Variants in GPC5 observed in about 807,000 individuals in gnomAD.
GPC5 encodes glypican-5.
Under a neutral mutation model 53.9 loss-of-function variants are expected in GPC5, and 47 were observed. The observed-to-expected ratio is 0.87, with a 90% CI of 0.69 to 1.11. GPC5 has a LOEUF of 1.11. Ranked by LOEUF, GPC5 falls within the 50% of genes most tolerant of loss-of-function variation. The pLI, the probability that GPC5 is intolerant of heterozygous loss-of-function variation, is 0.00. For missense variants in GPC5, 748 were observed against 713.1 expected (o/e 1.05, Z -0.56); for synonymous variants, 286 against 263.3 (o/e 1.09, Z -0.84).
intron 7 of GPC5, among the ~76,000 whole-genome samples, chr13:92,611,111 T>C (rs183496297): frequency 1.8e-3 from 281 of 152,230 alleles, no homozygotes; most frequent in Non-Finnish European, 3.3e-3. Flanking sequence ...AAAATAATTT[T>C]ATGACCATAA....
chr13:92,664,515 C>A (rs1886505736), intron 7 of GPC5, among the ~76,000 whole-genome samples: 1 of 152,016 alleles, frequency 6.6e-6, no homozygotes, highest in Admixed American at 6.5e-5. Context: ...AAAATGAAAT[C>A]ATAGCGTATA....
At chr13:92,043,213 G>A (rs2040955293) in intron 6 of GPC5, among the ~76,000 whole-genome samples, 2 of 152,200 alleles carry the variant, frequency 1.3e-5, no homozygotes, top group African/African-American at 4.8e-5. Flanking sequence ...TGAAGAAATA[G>A]TGGTTGAAAA....
In GPC5 at chr13:91,781,899, G is replaced by A. The variant is rs769137262; in HGVS notation, c.1280+25479G>A. On this transcript the variant is annotated intron_variant, in intron 5 of 7. Coordinates refer to ENST00000377067, the MANE Select transcript of GPC5 (RefSeq NM_004466.6). ...GTTCCATCAAAGAAACACCTTGGAA[G>A]CTGAACATTTAAAAATTTATTATAC... Among the ~76,000 whole-genome samples the A allele has an allele frequency of 3.3e-5, 5 of 152,144 alleles. No individual in the cohort carries two copies. The East Asian group carries it at 9.6e-4, about 29-fold the overall frequency.
chr13:92,392,900 CAG>C (rs1275774864), intron 7 of GPC5, among the ~76,000 whole-genome samples: 1 of 152,108 alleles, frequency 6.6e-6, no homozygotes, highest in Non-Finnish European at 1.5e-5. Context: ...CAAAAAATAA[CAG>C]AATATTTTGA....
At chr13:91,773,536 C>A (rs1442770672) in intron 5 of GPC5, among the ~76,000 whole-genome samples, 1 of 152,022 alleles carries the variant, frequency 6.6e-6, no homozygotes, top group East Asian at 1.9e-4. Flanking sequence ...AAATAAATAT[C>A]ATCTCTAATG....
At chr13:91,409,235 C>T (rs538795005) in intron 1 of GPC5, among the ~76,000 whole-genome samples, 215 of 152,014 alleles carry the variant, frequency 1.4e-3, no homozygotes, top group Non-Finnish European at 2.5e-3. Context: ...CCTGTTCTCA[C>T]CAGGCTTGGA....
At position 92,605,576 on chromosome 13, in the gene GPC5, G is replaced by GTTTTTTTTTTTTTTTTTTT. The variant is rs55887927; in HGVS notation, c.1562-260690_1562-260689insTTTTTTTTTTTTTTTTTTT. On this transcript the variant is annotated intron_variant, in intron 7 of 7. Transcript: ENST00000377067. ...AATAAATGAGCAGCCGTATTCACTA[G>GTTTTTTTTTTTTTTTTTTT]TTTTTTTTTTTTTTTTATTTTTTTG... is the stretch of plus-strand genomic sequence containing the variant. Among the ~76,000 whole-genome samples the GTTTTTTTTTTTTTTTTTTT allele has an allele frequency of 1.4e-5, 2 of 139,668 alleles. 1 individual carries two copies. The highest frequency in any genetic ancestry group is 5.6e-5 in the African/African-American group (2 of 35,664). 91.6% of individuals were successfully genotyped at this position (139,668 alleles called of 152,430 possible).
At chr13:92,386,972 C>G (rs1413774341) in intron 7 of GPC5, among the ~76,000 whole-genome samples, 2 of 152,074 alleles carry the variant, frequency 1.3e-5, no homozygotes, top group African/African-American at 4.8e-5. Flanking sequence ...TTACTCACCT[C>G]TGAAGAAGTA....
intron 7 of GPC5, among the ~76,000 whole-genome samples, chr13:92,702,797 C>T (rs905945635): frequency 2.6e-5 from 4 of 152,034 alleles, no homozygotes; most frequent in Non-Finnish European, 4.4e-5. Flanking sequence ...AAAAGCTAAT[C>T]GGTGTCTTGC....
At chr13:92,560,855 A>ATGTGTG (rs1413113972) in intron 7 of GPC5, among the ~76,000 whole-genome samples, 33 of 86,674 alleles carry the variant, frequency 3.8e-4, no homozygotes, top group African/African-American at 8.4e-4. Context: ...ATAGAAAATT[A>ATGTGTG]TATGTGTGTG....
intron 2 of GPC5, among the ~76,000 whole-genome samples, chr13:91,565,157 G>T (rs1246014018): frequency 6.6e-6 from 1 of 151,740 alleles, no homozygotes; most frequent in Non-Finnish European, 1.5e-5. Context: ...GCCTGGCTAA[G>T]TTTTGTATTT....
At chr13:92,278,622 AG>A (rs2042892316) in intron 7 of GPC5, among the ~76,000 whole-genome samples, 1 of 152,002 alleles carries the variant, frequency 6.6e-6, no homozygotes, top group Admixed American at 6.6e-5. Flanking sequence ...CTGATCATGA[AG>A]ATTTACCCTG....
At chr13:91,560,254 G>T (rs1035722828) in intron 2 of GPC5, among the ~76,000 whole-genome samples, 1 of 152,146 alleles carries the variant, frequency 6.6e-6, no homozygotes, top group East Asian at 1.9e-4. Context: ...ACAAGGTTCT[G>T]TGAGATGACC....
At chr13:92,430,368 A>C (rs957241331) in intron 7 of GPC5, among the ~76,000 whole-genome samples, 1 of 152,174 alleles carries the variant, frequency 6.6e-6, no homozygotes, top group African/African-American at 2.4e-5. Flanking sequence ...AAACAAAATA[A>C]TGTATTCCTT....
At chr13:92,042,203 C>T (rs917935522) in intron 6 of GPC5, among the ~76,000 whole-genome samples, 4 of 152,094 alleles carry the variant, frequency 2.6e-5, no homozygotes, top group Non-Finnish European at 2.9e-5. Flanking sequence ...CTTTTGATTC[C>T]CTATCCGTGG....
intron 7 of GPC5, among the ~76,000 whole-genome samples, chr13:92,339,615 C>A (rs1001505491): frequency 6.6e-6 from 1 of 152,070 alleles, no homozygotes; most frequent in African/African-American, 2.4e-5. Flanking sequence ...AATCTTTGAT[C>A]TCCTACACAA....
At chr13:92,295,013 AGAGATGAGGTTT>A (rs2043024922) in intron 7 of GPC5, among the ~76,000 whole-genome samples, 1 of 151,762 alleles carries the variant, frequency 6.6e-6, no homozygotes, top group Non-Finnish European at 1.5e-5. Context: ...TATTTTTAGT[AGAGATGAGGTTT>A]CACCATGTTG....
intron 7 of GPC5, among the ~76,000 whole-genome samples, chr13:92,427,506 C>T (rs1430188259): frequency 6.6e-6 from 1 of 151,600 alleles, no homozygotes; most frequent in African/African-American, 2.4e-5. Context: ...AGATGATTGA[C>T]AGCAGTTTGA....
intron 2 of GPC5, among the ~76,000 whole-genome samples, chr13:91,652,104 C>T (rs1356438489): frequency 1.3e-5 from 2 of 152,166 alleles, no homozygotes; most frequent in Non-Finnish European, 2.9e-5. Context: ...GGTTCCAAGA[C>T]TCCTAGTGGA....
Sources: allele counts gnomAD v4.1 joint callset (sites outside exome capture counted in the v4.1 genomes callset), GRCh38; gene constraint gnomAD v4.1.1; transcripts MANE v1.5; gene names NCBI Gene and HGNC (gene_info 2026-07-23, HGNC 2026-07-21).